The following WDR59 variants were observed in gnomAD, a reference collection of about 807,000 sequenced individuals.
WDR59 encodes GATOR2 complex protein WDR59.
A neutral mutation model predicts 131.2 loss-of-function variants in WDR59; 100 were observed. That is an observed-to-expected ratio of 0.76 (90% CI 0.65 to 0.90). WDR59 has a LOEUF of 0.90. Among genes scored for constraint, WDR59 ranks in the 40% least tolerant of loss-of-function variants. WDR59 has a pLI of 0.00. For synonymous variants in WDR59, 601 were observed against 466.2 expected (o/e 1.29, Z -3.72); for missense variants, 1,203 against 1,262.2 (o/e 0.95, Z 0.71).
At chr16:74,965,560 A>T (rs1340239269) in intron 2 of WDR59, among the ~76,000 whole-genome samples, 2 of 152,184 alleles carry the variant, frequency 1.3e-5, no homozygotes, top group African/African-American at 4.8e-5. Context: ...AGTCACTAAA[A>T]CTTCAAAGGT....
At position 74,915,850 on chromosome 16, in the gene WDR59, C is replaced by T. The variant is rs757817475; in HGVS notation, c.1224+20G>A. 2.5e-6 allele frequency: 4 copies of T among 1,614,058 alleles called. No individual in the cohort carries two copies. The highest frequency in any genetic ancestry group is 3.3e-5 in the Admixed American group (2 of 60,004). ...AACTGCCATCAGCAAACATGAGATA[C>T]AGTTGATTAAACTAAGTACCTCCAC... On this transcript the variant is annotated intron_variant, in intron 13 of 25. Coordinates refer to ENST00000262144, the MANE Select transcript of WDR59 (RefSeq NM_030581.4).
rs954817310 is a variant in WDR59 at position 74,873,315 on chromosome 16, G to T, written c.*894C>A. The T allele has an allele frequency of 6.6e-6, 1 of 152,272 alleles. No homozygotes were observed. The highest frequency in any genetic ancestry group is 1.5e-5 in the Non-Finnish European group (1 of 68,110). The allele number at this position is 152,272 out of a possible 1,614,324, so 9.4% of individuals were successfully genotyped here. A position where few individuals can be genotyped will look rare whatever the true frequency, so the allele number is the denominator to read the frequency against. On this transcript the variant is annotated 3_prime_UTR_variant, in exon 26 of 26. Transcript: ENST00000262144. ...CTCACTTTTGCCTTCTAAAGTGTGG[G>T]ATTACAGGCATGAGCCATGGGGCCT...
chr16:74,981,680 G>T, intron 1 of WDR59, among the ~76,000 whole-genome samples: 1 of 73,264 alleles, frequency 1.4e-5, no homozygotes, highest in African/African-American at 6.6e-5. Flanking sequence ...TTTTTAGATG[G>T]AGTCTCACTC....
chr16:74,940,123 A>C (rs533414450), intron 7 of WDR59, among the ~76,000 whole-genome samples: 9 of 152,326 alleles, frequency 5.9e-5, no homozygotes, highest in Admixed American at 5.2e-4. Flanking sequence ...TCACGCCTGT[A>C]ATCCCAGCAC....
intron 18 of WDR59, among the ~76,000 whole-genome samples, chr16:74,902,279 C>T (rs551718039): frequency 1.6e-4 from 24 of 152,226 alleles, no homozygotes; most frequent in Admixed American, 4.6e-4. Flanking sequence ...TTACGGGGCT[C>T]GAACCACCCA....
At chr16:74,956,680 A>G in intron 2 of WDR59, 70 bp from the exon 3 acceptor site, 1 of 1,556,632 alleles carries the variant, frequency 6.4e-7, no homozygotes, top group South Asian at 1.2e-5. Flanking sequence ...AGAAAAGCAC[A>G]ATTGGAATTG....
chr16:74,967,910 A>G (rs144975143), intron 1 of WDR59, among the ~76,000 whole-genome samples: 13 of 152,108 alleles, frequency 8.5e-5, no homozygotes, highest in Non-Finnish European at 1.3e-4. Context: ...ATGTCCACCA[A>G]TGGAGGAACA....
chr16:74,941,711 A>T (rs1206810675), intron 7 of WDR59, among the ~76,000 whole-genome samples: 1 of 151,652 alleles, frequency 6.6e-6, no homozygotes, highest in East Asian at 1.9e-4. Context: ...AAAAAAAAGA[A>T]GATGCACCTG....
rs778617980 is a variant in WDR59 at position 74,885,766 on chromosome 16, A to C, written c.2576T>G (p.Phe859Cys). The change falls in exon 25 of 26, where the codon TTT becomes TGT. Residue 859 changes from phenylalanine to cysteine, a missense_variant. By Grantham distance (205) the Phe-to-Cys change is radical. Transcript: ENST00000262144. ...CCCATAGCATTTCTTAAAGTCATCAAATTGCTGGGTATTGGCGGGGTCCAG... is the reference window on the plus strand; with the variant it reads ...CCCATAGCATTTCTTAAAGTCATCACATTGCTGGGTATTGGCGGGGTCCAG... ...RLLDPANTQQ[F>C]DDFKKCYGEI... 2 of 1,614,028 alleles carry C rather than the reference A, an allele frequency of 1.2e-6. No homozygotes were observed. Among genetic ancestry groups the C allele is most frequent in the Non-Finnish European group, 1.7e-6 (2 of 1,180,030 alleles).
At chr16:74,945,025 G>A (rs947342916) in intron 6 of WDR59, among the ~76,000 whole-genome samples, 1 of 152,086 alleles carries the variant, frequency 6.6e-6, no homozygotes, top group African/African-American at 2.4e-5. Flanking sequence ...TCGGGAGGCT[G>A]AGGCAGGAGA....
chr16:74,891,440 T>G (rs1022164117), intron 20 of WDR59, among the ~76,000 whole-genome samples: 3 of 152,206 alleles, frequency 2.0e-5, no homozygotes, highest in Non-Finnish European at 4.4e-5. Flanking sequence ...ACCTAGTGAA[T>G]CAGCACTAGA....
chr16:74,919,732 C>T (rs2029982882), intron 10 of WDR59, among the ~76,000 whole-genome samples: 1 of 152,116 alleles, frequency 6.6e-6, no homozygotes, highest in Non-Finnish European at 1.5e-5. Flanking sequence ...TCAGCAACAC[C>T]TGAAACCAAG....
In WDR59 at chr16:74,886,395, C is replaced by T. The variant is rs138813730; in HGVS notation, c.2421G>A (p.Ala807=). 883 of 1,611,614 alleles carry T rather than the reference C, an allele frequency of 5.5e-4. 2 individuals are homozygous for T. In the African/African-American group the frequency reaches 0.01, roughly 19 times the overall value. ...AGGACAAGTGCTCTGCCTCTCTTCC[C>T]GCTGAAGAAAATCAAATGGGAAGGG... is the stretch of plus-strand genomic sequence containing the variant. ...PGLNTGGWNI[A]GREAEHLSSP... The change falls in exon 24 of 26, where the codon GCG becomes GCA. Residue 807 remains alanine (A), a splice_region_variant and synonymous_variant. Transcript: ENST00000262144.
intron 25 of WDR59, among the ~76,000 whole-genome samples, chr16:74,882,852 AAAG>A (rs1964567573): frequency 6.7e-6 from 1 of 149,648 alleles, no homozygotes; most frequent in African/African-American, 2.4e-5. Flanking sequence ...AAAGAAAAGA[AAAG>A]AAAAAGAAGG....
chr16:74,931,435 G>C (rs551397301), intron 8 of WDR59, among the ~76,000 whole-genome samples: 149 of 152,144 alleles, frequency 9.8e-4, no homozygotes, highest in African/African-American at 3.4e-3. Flanking sequence ...TCTTGGGCTT[G>C]AGCTATTCTC....
intron 18 of WDR59, among the ~76,000 whole-genome samples, chr16:74,900,805 ATGTTT>A (rs1965513644): frequency 1.3e-5 from 2 of 152,248 alleles, no homozygotes; most frequent in Admixed American, 1.3e-4. Context: ...GCTCTAAAAG[ATGTTT>A]TGTTATCTCA....
chr16:74,956,682 T>A, intron 2 of WDR59, 72 bp from the exon 3 acceptor site: 1 of 1,555,570 alleles, frequency 6.4e-7, no homozygotes, highest in Non-Finnish European at 8.7e-7. Flanking sequence ...AAAAGCACAA[T>A]TGGAATTGCA....
At chr16:74,919,305 A>G (rs1407151005) in intron 10 of WDR59, among the ~76,000 whole-genome samples, 1 of 150,162 alleles carries the variant, frequency 6.7e-6, no homozygotes. Flanking sequence ...TCTCTCCTCA[A>G]TTTGCTCTTG....
chr16:74,945,419 G>A (rs931410215), intron 6 of WDR59, among the ~76,000 whole-genome samples: 1 of 152,022 alleles, frequency 6.6e-6, no homozygotes, highest in African/African-American at 2.4e-5. Context: ...AGAGCTTGCG[G>A]TGAGCTGAGA....
Sources: gnomAD v4.1 joint callset for allele counts (sites outside exome capture counted in the v4.1 genomes callset) on GRCh38, gnomAD v4.1.1 for gene constraint, MANE v1.5 for transcripts, NCBI Gene and HGNC (gene_info 2026-07-23, HGNC 2026-07-21) for gene names.